HS3ST5: variants seen among roughly 807,000 people sequenced by gnomAD.
The protein encoded by HS3ST5 is heparan sulfate glucosamine 3-O-sulfotransferase 5.
In HS3ST5, 10 loss-of-function variants were observed where a neutral mutation model predicts 25.4. The observed-to-expected ratio is 0.39, with a 90% CI of 0.24 to 0.67. The LOEUF is 0.67. Among genes scored for constraint, HS3ST5 ranks in the 30% least tolerant of loss-of-function variants. The probability of loss-of-function intolerance (pLI) is 0.44; values close to 1 mark genes in which losing one functional copy is unlikely to be tolerated. For synonymous variants in HS3ST5, 170 were observed against 162.4 expected (o/e 1.05, Z -0.36); for missense variants, 324 against 420.7 (o/e 0.77, Z 2.01).
At chr6:114,152,796 C>T (rs1226120499) in intron 3 of HS3ST5, among the ~76,000 whole-genome samples, 2 of 152,160 alleles carry the variant, frequency 1.3e-5, no homozygotes, top group African/African-American at 2.4e-5. Context: ...GTCTCTACTG[C>T]GAGGGATGTA....
At chr6:114,303,591 A>G (rs964818927) in intron 1 of HS3ST5, among the ~76,000 whole-genome samples, 3 of 152,102 alleles carry the variant, frequency 2.0e-5, no homozygotes, top group African/African-American at 7.2e-5. Flanking sequence ...AGAAGAAAGT[A>G]CTCAAGGAAA....
At chr6:114,265,847 A>T (rs1298149130) in intron 1 of HS3ST5, among the ~76,000 whole-genome samples, 1 of 151,958 alleles carries the variant, frequency 6.6e-6, no homozygotes, top group Non-Finnish European at 1.5e-5. Flanking sequence ...TTCCCTGCCA[A>T]TCCATTCTTG....
At chr6:114,067,438 A>G (rs968502281) in intron 3 of HS3ST5, among the ~76,000 whole-genome samples, 35 of 152,150 alleles carry the variant, frequency 2.3e-4, no homozygotes, top group Non-Finnish European at 1.6e-4. Context: ...AAGATTTAGG[A>G]AACTATGACG....
intron 1 of HS3ST5, among the ~76,000 whole-genome samples, chr6:114,260,580 A>G (rs924980952): frequency 1.3e-5 from 2 of 152,214 alleles, no homozygotes; most frequent in African/African-American, 4.8e-5. Flanking sequence ...TTGTAGACAA[A>G]GGTCATAGGG....
At chr6:114,062,510 G>C (rs528904079) in intron 4 of HS3ST5, among the ~76,000 whole-genome samples, 10 of 152,160 alleles carry the variant, frequency 6.6e-5, no homozygotes, top group Non-Finnish European at 1.2e-4. Context: ...GAAAACAAGT[G>C]TCAATGCACA....
At chr6:114,181,272 C>A (rs1296197671) in intron 2 of HS3ST5, among the ~76,000 whole-genome samples, 2 of 152,170 alleles carry the variant, frequency 1.3e-5, no homozygotes, top group African/African-American at 2.4e-5. Flanking sequence ...GTGACAATCA[C>A]AAAATATATA....
At chr6:114,338,097 T>A (rs1167469867) in intron 1 of HS3ST5, among the ~76,000 whole-genome samples, 2 of 151,964 alleles carry the variant, frequency 1.3e-5, no homozygotes, top group African/African-American at 4.8e-5. Flanking sequence ...ATAAATTATT[T>A]AAAAAAAGTA....
chr6:114,260,702 C>G (rs1046693183), intron 1 of HS3ST5, among the ~76,000 whole-genome samples: 5 of 151,470 alleles, frequency 3.3e-5, no homozygotes, highest in African/African-American at 7.4e-5. Flanking sequence ...AAGCCATCCT[C>G]TACGCTAAAT....
intron 3 of HS3ST5, among the ~76,000 whole-genome samples, chr6:114,144,965 C>G (rs1285974707): frequency 2.0e-5 from 3 of 152,162 alleles, no homozygotes; most frequent in Non-Finnish European, 4.4e-5. Context: ...TAGTGACATA[C>G]CTGTGTCTGC....
chr6:114,248,302 G>C (rs904831154), intron 1 of HS3ST5, among the ~76,000 whole-genome samples: 4 of 149,984 alleles, frequency 2.7e-5, no homozygotes, highest in African/African-American at 9.8e-5. Context: ...TTGGGAACTA[G>C]ATCTATAGTA....
intron 3 of HS3ST5, among the ~76,000 whole-genome samples, chr6:114,071,518 C>T (rs965537436): frequency 3.9e-5 from 6 of 152,212 alleles, no homozygotes; most frequent in Non-Finnish European, 8.8e-5. Context: ...ACTCTAACTA[C>T]ATTAAATTCT....
chr6:114,281,858 T>C (rs1023403408), intron 1 of HS3ST5: 6 of 151,910 alleles, frequency 3.9e-5, no homozygotes, highest in Admixed American at 1.3e-4. Context: ...GCAGAAGACA[T>C]TGGGAGACGG....
intron 1 of HS3ST5, among the ~76,000 whole-genome samples, chr6:114,297,768 A>G (rs1774890831): frequency 6.6e-6 from 1 of 152,188 alleles, no homozygotes; most frequent in Admixed American, 6.5e-5. Flanking sequence ...TGTAAACTAG[A>G]AGATAGTATG....
chr6:114,337,357 C>T lies in HS3ST5; in HGVS notation c.-339+4838G>A, dbSNP rs530377839. ...CAAGTCTGAGCAGAATAAGTCTTCT[C>T]ACTTCACACCTTCTATAAAACTCAG... On this transcript the variant is annotated intron_variant, in intron 1 of 4. Coordinates refer to ENST00000312719, the MANE Select transcript of HS3ST5 (RefSeq NM_153612.4). 7.2e-5 allele frequency among the ~76,000 whole-genome samples: 11 copies of T among 152,250 alleles called. No homozygotes were observed. In the East Asian group the frequency reaches 1.9e-3, roughly 27 times the overall value.
intron 3 of HS3ST5, among the ~76,000 whole-genome samples, chr6:114,150,809 T>C (rs367627851): frequency 6.6e-6 from 1 of 152,176 alleles, no homozygotes; most frequent in African/African-American, 2.4e-5. Context: ...ACTGCAAGCA[T>C]GAAAAGAAAC....
chr6:114,248,768 T>C (rs976464761), intron 1 of HS3ST5, among the ~76,000 whole-genome samples: 10 of 152,220 alleles, frequency 6.6e-5, no homozygotes, highest in African/African-American at 2.4e-4. Context: ...AAGCATAATT[T>C]TAGGAAAATA....
At chr6:114,204,576 TA>T (rs2114391630) in intron 2 of HS3ST5, among the ~76,000 whole-genome samples, 1 of 152,320 alleles carries the variant, frequency 6.6e-6, no homozygotes, top group Admixed American at 6.5e-5. Context: ...TATTTACATA[TA>T]TTTTTAAAAA....
chr6:114,299,141 C>T (rs894527046), intron 1 of HS3ST5, among the ~76,000 whole-genome samples: 2 of 152,128 alleles, frequency 1.3e-5, no homozygotes, highest in African/African-American at 4.8e-5. Context: ...AGAGAATGCA[C>T]CCCTGAGGGT....
At chr6:114,105,027 C>G (rs1269006021) in intron 3 of HS3ST5, among the ~76,000 whole-genome samples, 1 of 151,832 alleles carries the variant, frequency 6.6e-6, no homozygotes, top group Non-Finnish European at 1.5e-5. Flanking sequence ...CCTATGATCT[C>G]CCAGTAAAGT....
Sources: gnomAD v4.1 joint callset for allele counts (sites outside exome capture counted in the v4.1 genomes callset) on GRCh38, gnomAD v4.1.1 for gene constraint, MANE v1.5 for transcripts, NCBI Gene and HGNC (gene_info 2026-07-23, HGNC 2026-07-21) for gene names.